Variants in ADARB1 observed in about 807,000 individuals in gnomAD.
The protein encoded by ADARB1 is adenosine deaminase RNA specific B1, also known as double-stranded RNA-specific editase 1.
Under a neutral mutation model 52.4 loss-of-function variants are expected in ADARB1, and 10 were observed. The observed-to-expected ratio is 0.19, with a 90% CI of 0.12 to 0.32. ADARB1 has a LOEUF of 0.32. Among genes scored for constraint, ADARB1 ranks in the 10% least tolerant of loss-of-function variants. The probability of loss-of-function intolerance (pLI) is 1.00; values close to 1 mark genes in which losing one functional copy is unlikely to be tolerated. For synonymous variants in ADARB1, 349 were observed against 371.1 expected, an observed-to-expected ratio of 0.94 and a Z score of 0.68; for missense variants, 643 against 922.3, an observed-to-expected ratio of 0.70 and a Z score of 3.92.
intron 8 of ADARB1, among the ~76,000 whole-genome samples, chr21:45,202,536 G>A (rs953405089): frequency 2.0e-5 from 3 of 152,082 alleles, no homozygotes; most frequent in East Asian, 1.9e-4. Context: ...GCTGTGCCAC[G>A]GAGTGAGTGA....
chr21:45,174,121 G>T (rs2091594054), intron 3 of ADARB1, among the ~76,000 whole-genome samples: 1 of 152,154 alleles, frequency 6.6e-6, no homozygotes, highest in Non-Finnish European at 1.5e-5. Flanking sequence ...AACGTAATGA[G>T]AATCTACCAT....
At chr21:45,184,886 T>TA (rs779731739) in intron 7 of ADARB1, 37 bp from the exon 8 acceptor site, 1 of 1,565,914 alleles carries the variant, frequency 6.4e-7, no homozygotes, top group Non-Finnish European at 8.7e-7. Flanking sequence ...ATAGATGGTT[T>TA]ACTACCTGTG....
chr21:45,184,895 TG>T (rs1250572258), intron 7 of ADARB1, 27 bp from the exon 8 acceptor site: 2 of 1,583,792 alleles, frequency 1.3e-6, no homozygotes, highest in South Asian at 2.2e-5. Flanking sequence ...TTACTACCTG[TG>T]GGGTTTTAAC....
At chr21:45,089,942 T>C (rs539019010) in intron 1 of ADARB1, among the ~76,000 whole-genome samples, 2 of 152,214 alleles carry the variant, frequency 1.3e-5, no homozygotes, top group Admixed American at 6.5e-5. Context: ...CTTCTGGTAC[T>C]GTGCTGAGTG....
At chr21:45,156,530 C>CACCCA (rs2090656910) in intron 2 of ADARB1, among the ~76,000 whole-genome samples, 1 of 130,334 alleles carries the variant, frequency 7.7e-6, no homozygotes, top group Non-Finnish European at 1.7e-5. Flanking sequence ...CATCATCACC[C>CACCCA]ATCACCCATC....
intron 2 of ADARB1, among the ~76,000 whole-genome samples, chr21:45,134,510 C>T (rs2089245937): frequency 6.6e-6 from 1 of 151,468 alleles, no homozygotes. Flanking sequence ...GTGTGTGTGC[C>T]TGACGTGTGT....
intron 1 of ADARB1, among the ~76,000 whole-genome samples, chr21:45,109,444 C>G (rs1203428030): frequency 6.6e-6 from 1 of 152,194 alleles, no homozygotes; most frequent in Non-Finnish European, 1.5e-5. Context: ...TTTTCTGTGA[C>G]CTGGATTTTA....
intron 9 of ADARB1, among the ~76,000 whole-genome samples, chr21:45,213,136 G>A (rs2092801487): frequency 6.6e-6 from 1 of 152,142 alleles, no homozygotes; most frequent in South Asian, 2.1e-4. Context: ...TGGCCAGGGT[G>A]CTGCCCAAAA....
At chr21:45,219,411 G>T (rs2092923179) in intron 9 of ADARB1, among the ~76,000 whole-genome samples, 1 of 152,078 alleles carries the variant, frequency 6.6e-6, no homozygotes, top group African/African-American at 2.4e-5. Context: ...GTAGTCCCAG[G>T]TACTTGGGAG....
In ADARB1 at chr21:45,188,359, G is replaced by A. The variant is rs183589231; in HGVS notation, c.1565+3268G>A. Among the ~76,000 whole-genome samples the A allele has an allele frequency of 7.6e-4, 116 of 152,162 alleles. No individual in the cohort carries two copies. In the Middle Eastern group the frequency reaches 0.01, roughly 13 times the overall value. On this transcript the variant is annotated intron_variant, in intron 8 of 10. Coordinates refer to ENST00000348831, the MANE Select transcript of ADARB1 (RefSeq NM_001112.4). ...TGACCTCAGGTGATTCACCTGCCTC[G>A]GCCTCCCAAAGTGCTGGGATTACAG...
At chr21:45,183,097 C>G (rs535248471) in intron 6 of ADARB1, among the ~76,000 whole-genome samples, 1 of 152,336 alleles carries the variant, frequency 6.6e-6, no homozygotes, top group Admixed American at 6.5e-5. Flanking sequence ...TGTATCCAAA[C>G]TCCTTTTCTT....
chr21:45,146,188 TG>T (rs1469336691), intron 2 of ADARB1: 1 of 151,436 alleles, frequency 6.6e-6, no homozygotes, highest in Non-Finnish European at 1.5e-5. Flanking sequence ...CTGCCTGTGG[TG>T]GGGTTATGGT....
intron 1 of ADARB1, among the ~76,000 whole-genome samples, chr21:45,102,308 G>A (rs918902248): frequency 1.3e-5 from 2 of 152,278 alleles, no homozygotes; most frequent in African/African-American, 2.4e-5. Flanking sequence ...AAGTAATTAC[G>A]CAGGCAGTTC....
chr21:45,142,333 A>G lies in ADARB1; in HGVS notation c.-48+13760A>G, dbSNP rs971187606. 6.6e-5 allele frequency among the ~76,000 whole-genome samples: 10 copies of G among 152,238 alleles called. No homozygotes were observed. Among genetic ancestry groups the G allele is most frequent in the Non-Finnish European group, 1.3e-4 (9 of 68,038 alleles). On this transcript the variant is annotated intron_variant, in intron 2 of 10. Transcript: ENST00000348831. The surrounding 1 kb of genome is among the most constrained non-coding windows in gnomAD (Gnocchi z 4.0). ...CATGGTAAAGTCACCTTTAAAGCCA[A>G]TGGAAAAAGCTTAATTGAATTCATT...
At chr21:45,113,497 A>ATGTGTG (rs35666010) in intron 1 of ADARB1, among the ~76,000 whole-genome samples, 45 of 146,394 alleles carry the variant, frequency 3.1e-4, no homozygotes, top group African/African-American at 9.8e-4. Flanking sequence ...GTGTGTATAT[A>ATGTGTG]TGTGTGTGTG....
intron 3 of ADARB1, chr21:45,171,887 G>T: frequency 1.8e-6 from 1 of 560,700 alleles, no homozygotes; most frequent in South Asian, 2.2e-5. Context: ...TTCCTTCCTC[G>T]TTATCGTCGT....
At position 45,204,518 on chromosome 21, in the gene ADARB1, CG is replaced by C. The variant is rs1569164594; in HGVS notation, c.1566-36del. Reference sequence around the variant, plus strand: ...GGCTGGGCTGCGTCGACACTGAGTCCGAGCTCCCTGAAGACTGTGCTTTCTT... The same window carrying C: ...GGCTGGGCTGCGTCGACACTGAGTCCAGCTCCCTGAAGACTGTGCTTTCTT... On this transcript the variant is annotated intron_variant, in intron 8 of 10. Coordinates refer to ENST00000348831, the MANE Select transcript of ADARB1 (RefSeq NM_001112.4). This position sits in a 1 kb window ranked among gnomAD's most constrained non-coding sequence, Gnocchi z 4.4. 2 of 1,599,234 alleles carry C rather than the reference CG, an allele frequency of 1.3e-6. No homozygotes were observed. The highest frequency in any genetic ancestry group is 1.7e-6 in the Non-Finnish European group (2 of 1,172,942).
At chr21:45,099,568 G>A (rs2086911971) in intron 1 of ADARB1, among the ~76,000 whole-genome samples, 1 of 152,154 alleles carries the variant, frequency 6.6e-6, no homozygotes, top group Non-Finnish European at 1.5e-5. Flanking sequence ...GCAGGAGGCT[G>A]ATACATGAGA....
chr21:45,201,200 GCTGA>G (rs760896029), intron 8 of ADARB1, among the ~76,000 whole-genome samples: 8 of 152,180 alleles, frequency 5.3e-5, no homozygotes, highest in Admixed American at 1.3e-4. Context: ...TTGCATGGAC[GCTGA>G]CTGTGTCTGA....
Sources: allele counts gnomAD v4.1 joint callset (sites outside exome capture counted in the v4.1 genomes callset), GRCh38; gene constraint gnomAD v4.1.1; non-coding constraint Gnocchi (gnomAD v3.1); transcripts MANE v1.5; gene names NCBI Gene and HGNC (gene_info 2026-07-23, HGNC 2026-07-21).